PRR7: variants seen among roughly 807,000 people sequenced by gnomAD.
PRR7 encodes proline rich 7, synaptic, also known as proline-rich protein 7.
In PRR7, 8 loss-of-function variants were observed where a neutral mutation model predicts 18.5. That is an observed-to-expected ratio of 0.43 (90% CI 0.25 to 0.78). The LOEUF (loss-of-function observed/expected upper bound fraction) is 0.78, where lower values mean the gene tolerates loss of function less well. Ranked by LOEUF, PRR7 falls within the 30% of genes least tolerant of loss-of-function variation. PRR7 has a pLI of 0.22. For missense variants in PRR7, 396 were observed against 403.1 expected (o/e 0.98, Z 0.15); for synonymous variants, 221 against 187.7 (o/e 1.18, Z -1.45).
At chr5:177,448,337 G>C (rs921736772) in intron 1 of PRR7, 2 of 152,268 alleles carry the variant, frequency 1.3e-5, no homozygotes, top group African/African-American at 4.8e-5. Flanking sequence ...TTCCCTTCCT[G>C]CTCTGTGAGA....
intron 1 of PRR7, among the ~76,000 whole-genome samples, chr5:177,451,986 GGTTAAGAA>G (rs1169824478): frequency 1.3e-5 from 2 of 152,218 alleles, no homozygotes; most frequent in African/African-American, 4.8e-5. Flanking sequence ...GCAACTTGGA[GGTTAAGAA>G]ACTCACCAAG....
In PRR7 at chr5:177,449,492, T is replaced by C. The variant is rs1756082910; in HGVS notation, c.-325+2532T>C. 6.8e-6 allele frequency among the ~76,000 whole-genome samples: 1 copy of C among 146,726 alleles called. No individual in the cohort carries two copies. Among genetic ancestry groups the C allele is most frequent in the South Asian group, 2.1e-4 (1 of 4,652 alleles). On this transcript the variant is annotated intron_variant, in intron 1 of 3. Transcript: ENST00000323249. The surrounding 1 kb of genome is among the most constrained non-coding windows in gnomAD (Gnocchi z 4.2). ...TGAGCTCAGGCCTACCCCTCGGCAC[T>C]CTGCATGTTACCCAGGCTGCCCCCC...
chr5:177,450,319 C>G lies in PRR7; in HGVS notation c.-325+3359C>G, dbSNP rs887580055. 1.3e-5 allele frequency among the ~76,000 whole-genome samples: 2 copies of G among 152,176 alleles called. No individual in the cohort carries two copies. The highest frequency in any genetic ancestry group is 1.9e-4 in the East Asian group (1 of 5,198). ...CCCGGGATTTTCCATCCCCACCCCC[C>G]AGAGCCCTGGTGTGTGCCTCCGTAC... On this transcript the variant is annotated intron_variant, in intron 1 of 3. Coordinates refer to ENST00000323249, the MANE Select transcript of PRR7 (RefSeq NM_030567.5). This position sits in a 1 kb window ranked among gnomAD's most constrained non-coding sequence, Gnocchi z 6.6.
In PRR7 at chr5:177,455,605, G is replaced by GGGC. The variant is rs1046498418; in HGVS notation, c.428-110_428-108dup. 19 of 1,396,534 alleles carry GGGC rather than the reference G, an allele frequency of 1.4e-5. No homozygotes were observed. The highest frequency in any genetic ancestry group is 3.1e-5 in the Admixed American group (1 of 32,530). 86.5% of individuals were successfully genotyped at this position (1,396,534 alleles called of 1,614,324 possible). On this transcript the variant is annotated intron_variant, in intron 3 of 3. Coordinates refer to ENST00000323249, the MANE Select transcript of PRR7 (RefSeq NM_030567.5). This position sits in a 1 kb window ranked among gnomAD's most constrained non-coding sequence, Gnocchi z 6.9. ...CCATCCGCAGCCTCCGGGAGAACAC[G>GGGC]GGCGGCGGCGGGCTCGGGTTCGGGC...
In PRR7 at chr5:177,455,582, A is replaced by C. The variant is rs189624789; in HGVS notation, c.427+88A>C. ...CTCGCTGCTTACCCTCAGGGCTTCC[A>C]TCCGCAGCCTCCGGGAGAACACGGG... On this transcript the variant is annotated intron_variant, in intron 3 of 3. Transcript: ENST00000323249. This position sits in a 1 kb window ranked among gnomAD's most constrained non-coding sequence, Gnocchi z 6.9. 65,397 of 1,408,568 alleles carry C rather than the reference A, an allele frequency of 0.046. 1,772 individuals are homozygous for C. Among genetic ancestry groups the C allele is most frequent in the Middle Eastern group, 0.057 (239 of 4,206 alleles). 87.3% of individuals were successfully genotyped at this position (1,408,568 alleles called of 1,614,324 possible).
At position 177,448,055 on chromosome 5, in the gene PRR7, A is replaced by G. The variant is rs1054101293; in HGVS notation, c.-325+1095A>G. On this transcript the variant is annotated intron_variant, in intron 1 of 3. Coordinates refer to ENST00000323249, the MANE Select transcript of PRR7 (RefSeq NM_030567.5). ...TCCCAACCTCCCCTCAGCGGGCATC[A>G]TGCTGGAGAGAGAAATGGCCCTCCT... Among the ~76,000 whole-genome samples the G allele has an allele frequency of 7.9e-5, 12 of 152,326 alleles. No individual in the cohort carries two copies. The East Asian group carries it at 2.1e-3, about 27-fold the overall frequency.
At chr5:177,451,032 G>A (rs957783630) in intron 1 of PRR7, among the ~76,000 whole-genome samples, 2 of 152,214 alleles carry the variant, frequency 1.3e-5, no homozygotes, top group Non-Finnish European at 2.9e-5. Flanking sequence ...GGGGCCAGGG[G>A]AGAGACGATG....
chr5:177,448,632 CTG>C (rs1373727128), intron 1 of PRR7, among the ~76,000 whole-genome samples: 1 of 152,216 alleles, frequency 6.6e-6, no homozygotes, highest in Non-Finnish European at 1.5e-5. Flanking sequence ...AGGACATTCC[CTG>C]TCTTTCGGGT....
At chr5:177,448,272 G>A (rs142421265) in intron 1 of PRR7, 2 of 152,466 alleles carry the variant, frequency 1.3e-5, no homozygotes, top group East Asian at 1.9e-4. Context: ...TGGAGGTCAG[G>A]CCTGAGTCTC....
At position 177,455,584 on chromosome 5, in the gene PRR7, C is replaced by T; in HGVS notation, c.427+90C>T. On this transcript the variant is annotated intron_variant, in intron 3 of 3. Coordinates refer to ENST00000323249, the MANE Select transcript of PRR7 (RefSeq NM_030567.5). This position sits in a 1 kb window ranked among gnomAD's most constrained non-coding sequence, Gnocchi z 6.9. The stretch of plus-strand genomic sequence containing the variant: ...CGCTGCTTACCCTCAGGGCTTCCAT[C>T]CGCAGCCTCCGGGAGAACACGGGCG... 1 of 1,407,316 alleles carries T rather than the reference C, an allele frequency of 7.1e-7. No homozygotes were observed. The highest frequency in any genetic ancestry group is 9.2e-7 in the Non-Finnish European group (1 of 1,084,958). 87.2% of individuals were successfully genotyped at this position (1,407,316 alleles called of 1,614,324 possible).
rs2127386756 is a variant in PRR7 at position 177,449,143 on chromosome 5, A to C, written c.-325+2183A>C. ...TTTTAAATGTTGGCAATTAATCAGAATGTTTTTAAAAATGGATTGTGAACA... is the reference window on the plus strand; with the variant it reads ...TTTTAAATGTTGGCAATTAATCAGACTGTTTTTAAAAATGGATTGTGAACA... On this transcript the variant is annotated intron_variant, in intron 1 of 3. Transcript: ENST00000323249. This position sits in a 1 kb window ranked among gnomAD's most constrained non-coding sequence, Gnocchi z 4.2. Among the ~76,000 whole-genome samples, 1 of 152,368 alleles carries C rather than the reference A, an allele frequency of 6.6e-6. No homozygotes were observed. Among genetic ancestry groups the C allele is most frequent in the African/African-American group, 2.4e-5 (1 of 41,596 alleles).
Position 177,455,482 on chromosome 5 carries a change from T to C in PRR7, c.415T>C (p.Tyr139His). ...HLSVPPRPWS[Y>H]PRQAESDMSK... is the part of the protein sequence containing the mutation. ...GTCGGTGCCGCCACGGCCCTGGAGC[T>C]ACCCGCGCCAAGGTGAGTACCGACC... The change falls in exon 3 of 4, where the codon TAC (tyrosine) becomes CAC (histidine). Residue 139 changes from tyrosine (Y) to histidine (H), a missense_variant. Physicochemically the swap from Tyr to His is moderately conservative, Grantham distance 83. Transcript: ENST00000323249. This position sits in a 1 kb window ranked among gnomAD's most constrained non-coding sequence, Gnocchi z 6.9. 2.0e-6 allele frequency: 3 copies of C among 1,498,942 alleles called. No homozygotes were observed. Among genetic ancestry groups the C allele is most frequent in the Non-Finnish European group, 2.6e-6 (3 of 1,134,094 alleles). 92.9% of individuals were successfully genotyped at this position (1,498,942 alleles called of 1,614,324 possible).
At chr5:177,446,063 CTAA>C (rs1755866847), upstream of PRR7, 1 of 149,716 alleles carries the variant, frequency 6.7e-6, no homozygotes, top group Non-Finnish European at 1.5e-5. This position sits in a 1 kb window ranked among gnomAD's most constrained non-coding sequence, Gnocchi z 5.3. Flanking sequence ...AATGTTCCAG[CTAA>C]TATGGTGGTG....
At chr5:177,446,194 G>T (rs1755870741), upstream of PRR7, 1 of 152,206 alleles carries the variant, frequency 6.6e-6, no homozygotes, top group East Asian at 1.9e-4. This position sits in a 1 kb window ranked among gnomAD's most constrained non-coding sequence, Gnocchi z 5.3. Flanking sequence ...GGACCTCGGG[G>T]TAGACAGTGG....
Position 177,449,022 on chromosome 5 carries a change from C to G in PRR7, c.-325+2062C>G, listed in dbSNP as rs10055093. 8.4e-3 allele frequency among the ~76,000 whole-genome samples: 1,286 copies of G among 152,348 alleles called. 16 individuals are homozygous for G. Among genetic ancestry groups the G allele is most frequent in the African/African-American group, 0.029 (1,223 of 41,568 alleles). ...GGCCAGGGAGCCGCTCAGCTCCAAT[C>G]TTTGTCACTGTGTGAAATGTGGACT... On this transcript the variant is annotated intron_variant, in intron 1 of 3. Coordinates refer to ENST00000323249, the MANE Select transcript of PRR7 (RefSeq NM_030567.5). This position sits in a 1 kb window ranked among gnomAD's most constrained non-coding sequence, Gnocchi z 4.2.
Position 177,455,435 on chromosome 5 carries a change from C to A in PRR7, c.368C>A (p.Pro123Gln), listed in dbSNP as rs987268548. 2 of 1,506,826 alleles carry A rather than the reference C, an allele frequency of 1.3e-6. No homozygotes were observed. The highest frequency in any genetic ancestry group is 1.8e-6 in the Non-Finnish European group (2 of 1,135,388). 93.3% of individuals were successfully genotyped at this position (1,506,826 alleles called of 1,614,324 possible). ...AHPHPHHHAL[P>Q]HPPPTHLSVP... ...CCACACCCGCACCACCACGCGCTCC[C>A]GCACCCGCCGCCTACGCACCTGTCG... Residue 123 changes from proline (P) to glutamine (Q), a missense_variant, in exon 3 of 4, where the codon CCG (proline) becomes CAG (glutamine). This residue lies in a region of PRR7 where 383 missense variants were observed against 372.6 expected (regional missense o/e 1.03). Coordinates refer to ENST00000323249, the MANE Select transcript of PRR7 (RefSeq NM_030567.5). This position sits in a 1 kb window ranked among gnomAD's most constrained non-coding sequence, Gnocchi z 6.9.
At chr5:177,451,380 C>G (rs113654163) in intron 1 of PRR7, among the ~76,000 whole-genome samples, 1 of 139,596 alleles carries the variant, frequency 7.2e-6, no homozygotes, top group African/African-American at 2.7e-5. Context: ...TAGCCTGCTT[C>G]GGAGAGTGAG....
rs879740377 is a variant in PRR7, at chr5:177,450,267, TCCA to T, written c.-325+3308_-325+3310del. 0.011 allele frequency among the ~76,000 whole-genome samples: 1,736 copies of T among 152,110 alleles called. 13 individuals are homozygous for T. Among genetic ancestry groups the T allele is most frequent in the Admixed American group, 0.018 (279 of 15,274 alleles). On this transcript the variant is annotated intron_variant, in intron 1 of 3. Coordinates refer to ENST00000323249, the MANE Select transcript of PRR7 (RefSeq NM_030567.5). The surrounding 1 kb of genome is among the most constrained non-coding windows in gnomAD (Gnocchi z 6.6). ...GAAGACCAGCAGCTCTAGCCTCAAG[TCCA>T]GGTGTGACCCAGTGCCCCTGCTGCC...
Position 177,456,163 on chromosome 5 carries a change from C to A in PRR7, c.*42C>A, listed in dbSNP as rs1261171829. 1.4e-6 allele frequency: 2 copies of A among 1,408,848 alleles called. No individual in the cohort carries two copies. Among genetic ancestry groups the A allele is most frequent in the Admixed American group, 3.1e-5 (1 of 32,088 alleles). 87.3% of individuals were successfully genotyped at this position (1,408,848 alleles called of 1,614,324 possible). Reference sequence around the variant, plus strand: ...CCGGGCCCCACCGGCGGACTCCTGGCCTGACTGCGGGGCTTTTTAAATGCT... The same window carrying A: ...CCGGGCCCCACCGGCGGACTCCTGGACTGACTGCGGGGCTTTTTAAATGCT... On this transcript the variant is annotated 3_prime_UTR_variant, in exon 4 of 4. Coordinates refer to ENST00000323249, the MANE Select transcript of PRR7 (RefSeq NM_030567.5).
Sources: allele counts gnomAD v4.1 joint callset (sites outside exome capture counted in the v4.1 genomes callset), GRCh38; gene constraint gnomAD v4.1.1; regional missense constraint gnomAD v4.1.1; non-coding constraint Gnocchi (gnomAD v3.1); transcripts MANE v1.5; gene names NCBI Gene and HGNC (gene_info 2026-07-23, HGNC 2026-07-21).